SRRM1: variants seen among roughly 807,000 people sequenced by gnomAD.
The protein encoded by SRRM1 is serine/arginine repetitive matrix protein 1.
A neutral mutation model predicts 110.2 loss-of-function variants in SRRM1; 19 were observed. The ratio of observed to expected loss-of-function variants is 0.17; its 90% CI spans 0.12 to 0.25. The LOEUF is 0.25. Among genes scored for constraint, SRRM1 ranks in the 10% least tolerant of loss-of-function variants. SRRM1 has a pLI of 1.00. For synonymous variants in SRRM1, 443 were observed against 414.9 expected (o/e 1.07, Z -0.82); for missense variants, 918 against 1,145.8 (o/e 0.80, Z 2.87).
chr1:24,661,242 C>T, intron 10 of SRRM1, 68 bp from the exon 11 acceptor site: 1 of 1,111,938 alleles, frequency 9.0e-7, no homozygotes, highest in South Asian at 1.4e-5. Context: ...GACTATTTTC[C>T]TATTCAAATT....
chr1:24,664,878 C>T (rs1227763227), intron 12 of SRRM1, among the ~76,000 whole-genome samples: 1 of 149,558 alleles, frequency 6.7e-6, no homozygotes, highest in Non-Finnish European at 1.5e-5. Flanking sequence ...TCTCCCCTTC[C>T]CTCCCCACCC....
intron 7 of SRRM1, 141 bp downstream of exon 7, chr1:24,652,769 CTT>C: frequency 5.3e-6 from 7 of 1,311,880 alleles, no homozygotes; most frequent in South Asian, 1.6e-5. Context: ...TTTGAGGACA[CTT>C]TTCTGTGTAC....
chr1:24,660,779 A>G lies in SRRM1; in HGVS notation c.1376A>G (p.Lys459Arg). The G allele has an allele frequency of 6.3e-7, 1 of 1,596,920 alleles. No homozygotes were observed. The highest frequency in any genetic ancestry group is 8.5e-7 in the Non-Finnish European group (1 of 1,173,402). The change falls in exon 10 of 17, where the codon AAA (lysine) becomes AGA (arginine). Residue 459 changes from lysine to arginine, a missense_variant. This residue lies in a region of SRRM1 where 456 missense variants were observed against 453.5 expected (regional missense o/e 1.01). Coordinates refer to ENST00000323848, the MANE Select transcript of SRRM1 (RefSeq NM_005839.4). ...CCTTCACCAGCACCGAAGCCTAGAA[A>G]AGTAGAGTTATCTGAATCGGGTAAG... The part of the protein sequence containing the change: ...ESPSPAPKPR[K>R]VELSESEEDK...
intron 9 of SRRM1, among the ~76,000 whole-genome samples, chr1:24,655,932 T>TG (rs1259030045): frequency 6.6e-6 from 1 of 152,156 alleles, no homozygotes; most frequent in Non-Finnish European, 1.5e-5. Context: ...GGGGTTATTA[T>TG]GATCATATTG....
At chr1:24,648,726 A>G (rs992064098) in intron 3 of SRRM1, 133 bp from the exon 4 acceptor site, 3 of 672,180 alleles carry the variant, frequency 4.5e-6, no homozygotes, top group Non-Finnish European at 7.4e-6. Flanking sequence ...TAAAATAGTA[A>G]GGACTATATA....
At chr1:24,644,676 C>A (rs1415568877) in intron 1 of SRRM1, among the ~76,000 whole-genome samples, 2 of 152,194 alleles carry the variant, frequency 1.3e-5, no homozygotes, top group African/African-American at 4.8e-5. Context: ...ATGATAGTTT[C>A]AGATTAGCGT....
chr1:24,655,715 G>C (rs1663683760), intron 9 of SRRM1, among the ~76,000 whole-genome samples: 2 of 152,292 alleles, frequency 1.3e-5, no homozygotes, highest in Non-Finnish European at 2.9e-5. Context: ...GTGTTAGTCT[G>C]AGTGAAGGTT....
rs1659701033 is a variant in SRRM1, at chr1:24,649,990, C to A, written c.425C>A (p.Ala142Glu). ...KQRQIEQEKL[A>E]SMKKQDEDKD... The stretch of plus-strand genomic sequence containing the variant: ...TTGCAGATTGAACAAGAAAAACTGG[C>A]ATCTATGAAAAAGCAAGATGAAGAC... The change falls in exon 5 of 17, where the codon GCA (alanine) becomes GAA (glutamate). Residue 142 changes from alanine (A) to glutamate (E), a missense_variant. Physicochemically the swap from Ala to Glu is moderately radical, Grantham distance 107 (BLOSUM62 -1). Coordinates refer to ENST00000323848, the MANE Select transcript of SRRM1 (RefSeq NM_005839.4). 7 of 1,584,650 alleles carry A rather than the reference C, an allele frequency of 4.4e-6. No individual in the cohort carries two copies. Among genetic ancestry groups the A allele is most frequent in the African/African-American group, 1.4e-5 (1 of 73,434 alleles).
At chr1:24,654,786 A>T (rs571983781) in intron 8 of SRRM1, 69 bp from the exon 9 acceptor site, 1 of 1,570,122 alleles carries the variant, frequency 6.4e-7, no homozygotes, top group African/African-American at 1.4e-5. Context: ...TTTTGTGTAA[A>T]CTGTTCATAC....
At chr1:24,669,713 C>T in intron 14 of SRRM1, 126 bp downstream of exon 14, 1 of 773,884 alleles carries the variant, frequency 1.3e-6, no homozygotes. Context: ...ACTTGAGGTA[C>T]TATTTACAGA....
At position 24,649,541 on chromosome 1, in the gene SRRM1, A is replaced by G. The variant is rs556277203; in HGVS notation, c.406-430A>G. ...GCCATGTTGGCCAGACTTGTCTCGA[A>G]CTCCTGACCTCAAGTGATCTGCCCG... On this transcript the variant is annotated intron_variant, in intron 4 of 16. Transcript: ENST00000323848. Among the ~76,000 whole-genome samples, 18 of 152,078 alleles carry G rather than the reference A, an allele frequency of 1.2e-4. No homozygotes were observed. The South Asian group carries it at 3.3e-3, about 28-fold the overall frequency.
intron 1 of SRRM1, 107 bp downstream of exon 1, chr1:24,643,454 T>A: frequency 1.1e-6 from 1 of 876,084 alleles, no homozygotes; most frequent in Non-Finnish European, 1.6e-6. Flanking sequence ...GCTTCGGAGA[T>A]CTTAAGGATT....
intron 13 of SRRM1, among the ~76,000 whole-genome samples, chr1:24,667,421 G>A (rs1251165052): frequency 6.6e-6 from 1 of 152,106 alleles, no homozygotes; most frequent in African/African-American, 2.4e-5. Context: ...AAATTTAGAG[G>A]ATACTGGCAG....
At chr1:24,643,579 G>C in intron 1 of SRRM1, 1 of 413,826 alleles carries the variant, frequency 2.4e-6, no homozygotes, top group Middle Eastern at 6.2e-4. Flanking sequence ...GACGGTGGCC[G>C]GAAAATGGCG....
chr1:24,649,581 A>G (rs985142614), intron 4 of SRRM1, among the ~76,000 whole-genome samples: 14 of 152,272 alleles, frequency 9.2e-5, no homozygotes, highest in African/African-American at 3.1e-4. Context: ...TGGCGGGATT[A>G]TAGACGTGAG....
chr1:24,658,062 AAAC>A lies in SRRM1; in HGVS notation c.1316-2652_1316-2650del, dbSNP rs375842000. On this transcript the variant is annotated intron_variant, in intron 9 of 16. Coordinates refer to ENST00000323848, the MANE Select transcript of SRRM1 (RefSeq NM_005839.4). ...AATGATTTTGTCCCTTGAATACTTAAAACAACATTAACATAAAGTAAATGGTGT... is the reference window on the plus strand; with the variant it reads ...AATGATTTTGTCCCTTGAATACTTAAAACATTAACATAAAGTAAATGGTGT... 7.6e-4 allele frequency among the ~76,000 whole-genome samples: 116 copies of A among 152,298 alleles called. 3 individuals carry two copies. In the South Asian group the frequency reaches 0.023, roughly 31 times the overall value.
chr1:24,649,868 G>A (rs1659616269), intron 4 of SRRM1, 103 bp from the exon 5 acceptor site: 18 of 1,027,292 alleles, frequency 1.8e-5, no homozygotes, highest in South Asian at 4.1e-5. Flanking sequence ...AGAAGAGGCC[G>A]ATGAAATGAT....
intron 9 of SRRM1, among the ~76,000 whole-genome samples, chr1:24,656,401 C>T (rs1362134637): frequency 6.6e-6 from 1 of 152,174 alleles, no homozygotes; most frequent in Non-Finnish European, 1.5e-5. Context: ...AAGACATGGC[C>T]ACTTTTGTTG....
chr1:24,666,752 G>A (rs779525368), intron 12 of SRRM1, 63 bp from the exon 13 acceptor site: 530 of 1,312,118 alleles, frequency 4.0e-4, no homozygotes, highest in Non-Finnish European at 5.2e-4. Context: ...GCGACAGAGT[G>A]AGACGCCATC....
Sources: allele counts gnomAD v4.1 joint callset (sites outside exome capture counted in the v4.1 genomes callset), GRCh38; gene constraint gnomAD v4.1.1; regional missense constraint gnomAD v4.1.1; transcripts MANE v1.5; gene names NCBI Gene and HGNC (gene_info 2026-07-23, HGNC 2026-07-21).